Variants in RMND1 observed in about 807,000 individuals in gnomAD.
The protein encoded by RMND1 is required for meiotic nuclear division 1 homolog.
RMND1 carries 41 observed loss-of-function variants against 54.0 expected under a neutral mutation model. That is an observed-to-expected ratio of 0.76 (90% CI 0.59 to 0.98). The LOEUF is 0.98. Ranked by LOEUF, RMND1 falls within the 50% of genes least tolerant of loss-of-function variation. The pLI, the probability that RMND1 is intolerant of heterozygous loss-of-function variation, is 0.00. For missense variants in RMND1, 457 were observed against 532.0 expected (o/e 0.86, Z 1.39); for synonymous variants, 183 against 181.7 (o/e 1.01, Z -0.06).
chr6:151,405,692 A>G, intron 11 of RMND1, 28 bp downstream of exon 11: 1 of 1,084,480 alleles, frequency 9.2e-7, no homozygotes, highest in Non-Finnish European at 1.4e-6. Flanking sequence ...ATGGTAACTG[A>G]TCATAGTACA....
intron 10 of RMND1, among the ~76,000 whole-genome samples, chr6:151,412,095 A>C (rs1779858289): frequency 6.6e-6 from 1 of 151,872 alleles, no homozygotes. Context: ...TGCCCCCCTT[A>C]GGTTCAAGCG....
In RMND1 at chr6:151,405,251, C is replaced by A; in HGVS notation, c.1334G>T (p.Gly445Val). ...LITIEVMFELGRVFF is the reference protein window; with the variant it reads ...LITIEVMFELVRVFF ...ATCACTTGATCAGAAAAATACTCGTCCCAGCTCAAACATTACCTTAGAATA... is the reference window on the plus strand; with the variant it reads ...ATCACTTGATCAGAAAAATACTCGTACCAGCTCAAACATTACCTTAGAATA... The change falls in exon 12 of 12, where the codon GGA (glycine) becomes GTA (valine). Residue 445 changes from glycine (G) to valine (V), a missense_variant. Transcript: ENST00000444024. 1 of 1,612,982 alleles carries A rather than the reference C, an allele frequency of 6.2e-7. No homozygotes were observed.
Position 151,433,096 on chromosome 6 carries a change from G to C in RMND1, c.689+59C>G, listed in dbSNP as rs1780491008. On this transcript the variant is annotated intron_variant, in intron 4 of 11. Transcript: ENST00000444024. ...AGAAAGGTATGCCTGCACCTTTAAA[G>C]ACCACAATTACTTGACCCAAACCCA... 9.6e-6 allele frequency: 10 copies of C among 1,038,514 alleles called. No individual in the cohort carries two copies. The South Asian group carries it at 1.2e-4, about 13-fold the overall frequency. 64.3% of individuals were successfully genotyped at this position (1,038,514 alleles called of 1,614,324 possible).
chr6:151,439,924 T>C (rs1288341515), intron 2 of RMND1, among the ~76,000 whole-genome samples: 1 of 152,096 alleles, frequency 6.6e-6, no homozygotes, highest in Non-Finnish European at 1.5e-5. Context: ...CCTCCCACAG[T>C]GCTGGGATTA....
rs560395850 is a variant in RMND1, at chr6:151,421,299, A to C, written c.1025T>G (p.Val342Gly). 6.2e-7 allele frequency: 1 copy of C among 1,612,684 alleles called. No homozygotes were observed. The highest frequency in any genetic ancestry group is 1.7e-5 in the Admixed American group (1 of 59,854). ...IPEALKAGKK[V>G]KLSHEEVMQK... The stretch of plus-strand genomic sequence containing the variant: ...CATAACTTCTTCATGAGATAGTTTC[A>C]CTTTCTTCCCAGCTTTTAAAGCCTA... Residue 342 changes from valine to glycine, a missense_variant, in exon 9 of 12, where the codon GTG becomes GGG. Physicochemically the swap from Val to Gly is moderately radical, Grantham distance 109 (BLOSUM62 -3). Coordinates refer to ENST00000444024, the MANE Select transcript of RMND1 (RefSeq NM_017909.4).
At chr6:151,426,001 T>G (rs1780285610) in intron 6 of RMND1, among the ~76,000 whole-genome samples, 1 of 150,022 alleles carries the variant, frequency 6.7e-6, no homozygotes, top group African/African-American at 2.5e-5. Flanking sequence ...TGGAGTGCAG[T>G]GGTGCGATCT....
At chr6:151,406,558 G>T (rs1318022293) in intron 10 of RMND1, among the ~76,000 whole-genome samples, 1 of 151,986 alleles carries the variant, frequency 6.6e-6, no homozygotes, top group Non-Finnish European at 1.5e-5. Context: ...GATGATGTTA[G>T]CCAGGATGGT....
At chr6:151,451,852 C>CT (rs1053535713) in intron 1 of RMND1, among the ~76,000 whole-genome samples, 164 bp downstream of exon 1, 3 of 152,154 alleles carry the variant, frequency 2.0e-5, no homozygotes, top group Admixed American at 6.5e-5. Context: ...TAATTGAGTG[C>CT]TTTTTACTCC....
chr6:151,433,469 A>G (rs995589634), intron 3 of RMND1, among the ~76,000 whole-genome samples: 8 of 152,356 alleles, frequency 5.3e-5, no homozygotes, highest in East Asian at 3.9e-4. Flanking sequence ...ACAACCTGTG[A>G]TATTAATATT....
At chr6:151,423,327 C>T (rs1335307275) in intron 7 of RMND1, among the ~76,000 whole-genome samples, 198 bp downstream of exon 7, 1 of 151,920 alleles carries the variant, frequency 6.6e-6, no homozygotes, top group Non-Finnish European at 1.5e-5. Context: ...TTTATTAATA[C>T]AATTAATAAG....
intron 3 of RMND1, among the ~76,000 whole-genome samples, chr6:151,434,409 ATTT>A (rs11398229): frequency 2.0e-5 from 3 of 146,578 alleles, no homozygotes; most frequent in African/African-American, 5.0e-5. Flanking sequence ...CAAAACTGTG[ATTT>A]TTTTTTTTTT....
At chr6:151,440,845 A>G (rs1780755212) in intron 2 of RMND1, among the ~76,000 whole-genome samples, 1 of 152,104 alleles carries the variant, frequency 6.6e-6, no homozygotes, top group South Asian at 2.1e-4. Context: ...TTTATTAAAG[A>G]TGCTGTTGTT....
At chr6:151,407,102 C>T (rs753261911) in intron 10 of RMND1, among the ~76,000 whole-genome samples, 1 of 151,846 alleles carries the variant, frequency 6.6e-6, no homozygotes, top group Non-Finnish European at 1.5e-5. Context: ...TGCAATGAGC[C>T]AAGATCATGC....
intron 2 of RMND1, among the ~76,000 whole-genome samples, chr6:151,442,110 T>C (rs1780793344): frequency 6.6e-6 from 1 of 152,180 alleles, no homozygotes; most frequent in Non-Finnish European, 1.5e-5. Context: ...TGTGAGTAGA[T>C]AGATCATACT....
At position 151,436,536 on chromosome 6, in the gene RMND1, C is replaced by T. The variant is rs756135151; in HGVS notation, c.523G>A (p.Ala175Thr). ...SVNEDLMHCTAFATADEYHLG... is the reference protein window; with the variant it reads ...SVNEDLMHCTTFATADEYHLG... Reference sequence around the variant, plus strand: ...TGATACTCATCTGCCGTTGCAAATGCTGTGCAGTGCATTAGGTCCTGTTCC... The same window carrying T: ...TGATACTCATCTGCCGTTGCAAATGTTGTGCAGTGCATTAGGTCCTGTTCC... The change falls in exon 3 of 12, where the codon GCA becomes ACA. Residue 175 changes from alanine to threonine, a missense_variant. Ala to Thr is a moderately conservative substitution (Grantham distance 58). Transcript: ENST00000444024. The T allele has an allele frequency of 6.2e-7, 1 of 1,613,888 alleles. No individual in the cohort carries two copies. The highest frequency in any genetic ancestry group is 8.5e-7 in the Non-Finnish European group (1 of 1,179,810).
chr6:151,415,888 C>A (rs112719861), intron 10 of RMND1, among the ~76,000 whole-genome samples: 1 of 151,814 alleles, frequency 6.6e-6, no homozygotes, highest in Admixed American at 6.6e-5. Flanking sequence ...AGATTACTCA[C>A]TGCCAGGGGT....
intron 2 of RMND1, among the ~76,000 whole-genome samples, chr6:151,441,680 A>G (rs1780779153): frequency 6.6e-6 from 1 of 152,124 alleles, no homozygotes; most frequent in Non-Finnish European, 1.5e-5. Flanking sequence ...TGGGTTGATC[A>G]ATGCATCCAT....
chr6:151,427,738 T>C, intron 5 of RMND1, among the ~76,000 whole-genome samples, 156 bp from the exon 6 acceptor site: 1 of 152,214 alleles, frequency 6.6e-6, no homozygotes, highest in East Asian at 1.9e-4. Flanking sequence ...ATTGTGATAT[T>C]AAAGTAATCA....
chr6:151,422,688 C>A, intron 7 of RMND1, 83 bp from the exon 8 acceptor site: 1 of 561,620 alleles, frequency 1.8e-6, no homozygotes, highest in Non-Finnish European at 3.1e-6. Context: ...AGCATCTTCA[C>A]TACTATTTCA....
Sources: gnomAD v4.1 joint callset for allele counts (sites outside exome capture counted in the v4.1 genomes callset) on GRCh38, gnomAD v4.1.1 for gene constraint, MANE v1.5 for transcripts, NCBI Gene and HGNC (gene_info 2026-07-23, HGNC 2026-07-21) for gene names.